ANKS1B: variants seen among roughly 807,000 people sequenced by gnomAD.
ANKS1B encodes the protein ankyrin repeat and sterile alpha motif domain-containing protein 1B.
Under a neutral mutation model 148.3 loss-of-function variants are expected in ANKS1B, and 36 were observed. The ratio of observed to expected loss-of-function variants is 0.24; its 90% CI spans 0.19 to 0.32. The LOEUF (loss-of-function observed/expected upper bound fraction) is 0.32. Ranked by LOEUF, ANKS1B falls within the 10% of genes least tolerant of loss-of-function variation. ANKS1B has a pLI of 1.00. For synonymous variants in ANKS1B, 542 were observed against 560.8 expected (o/e 0.97, Z 0.47); for missense variants, 1,157 against 1,542.6 (o/e 0.75, Z 4.19).
At chr12:99,254,409 T>C (rs956651795) in intron 12 of ANKS1B, among the ~76,000 whole-genome samples, 9 of 152,362 alleles carry the variant, frequency 5.9e-5, no homozygotes, top group Admixed American at 5.9e-4. Flanking sequence ...ACAGTAGAGT[T>C]GTTCAGAGGC....
At chr12:99,536,863 A>G (rs927223603) in intron 9 of ANKS1B, among the ~76,000 whole-genome samples, 2 of 152,208 alleles carry the variant, frequency 1.3e-5, no homozygotes, top group Admixed American at 1.3e-4. Flanking sequence ...ATTTTTTCTA[A>G]GTACTTTTGT....
At chr12:99,751,219 C>A (rs1051769164) in intron 8 of ANKS1B, among the ~76,000 whole-genome samples, 1 of 151,852 alleles carries the variant, frequency 6.6e-6, no homozygotes, top group Non-Finnish European at 1.5e-5. Context: ...TTAGATCTTT[C>A]TTTAAAAAGA....
chr12:99,845,844 T>C (rs1244233406), intron 1 of ANKS1B, among the ~76,000 whole-genome samples: 1 of 152,100 alleles, frequency 6.6e-6, no homozygotes, highest in Non-Finnish European at 1.5e-5. Flanking sequence ...TGTGAAACTG[T>C]GTGGTCCTGG....
chr12:98,897,591 A>G (rs1183345596), intron 17 of ANKS1B, among the ~76,000 whole-genome samples: 1 of 152,224 alleles, frequency 6.6e-6, no homozygotes, highest in Admixed American at 6.5e-5. Context: ...GTTGCCGAGA[A>G]AAGGGAATGC....
At chr12:99,560,303 C>T (rs2097319496) in intron 9 of ANKS1B, among the ~76,000 whole-genome samples, 1 of 151,948 alleles carries the variant, frequency 6.6e-6, no homozygotes, top group African/African-American at 2.4e-5. Context: ...GTCTGAATAC[C>T]ACACGTTACC....
chr12:99,848,916 A>C (rs1051296845), intron 1 of ANKS1B, among the ~76,000 whole-genome samples: 1 of 152,202 alleles, frequency 6.6e-6, no homozygotes, highest in Non-Finnish European at 1.5e-5. Flanking sequence ...GCTGGAAGCC[A>C]CTATCATAAG....
chr12:99,403,155 T>TC lies in ANKS1B; in HGVS notation c.1576-3345_1576-3344insG, dbSNP rs1238700732. Among the ~76,000 whole-genome samples, 4 of 66,468 alleles carry TC rather than the reference T, an allele frequency of 6.0e-5. 1 individual carries two copies. Among genetic ancestry groups the TC allele is most frequent in the Non-Finnish European group, 1.2e-4 (4 of 33,328 alleles). 43.6% of individuals were successfully genotyped at this position (66,468 alleles called of 152,430 possible). A position where few individuals can be genotyped will look rare whatever the true frequency, so the allele number is the denominator to read the frequency against. On this transcript the variant is annotated intron_variant, in intron 11 of 26. Transcript: ENST00000683438. Reference sequence around the variant, plus strand: ...CAGTGTCTGTTCACTTTTCTTTCTTTTTTTTTTTTTTTTTTTTTTTTTTGA... The same window carrying TC: ...CAGTGTCTGTTCACTTTTCTTTCTTTCTTTTTTTTTTTTTTTTTTTTTTTGA...
chr12:99,579,237 T>C (rs1440910575), intron 9 of ANKS1B, among the ~76,000 whole-genome samples: 1 of 152,062 alleles, frequency 6.6e-6, no homozygotes, highest in Non-Finnish European at 1.5e-5. Flanking sequence ...ACTTAAAATG[T>C]TTAAAACTTT....
chr12:99,507,679 G>A (rs939028442), intron 9 of ANKS1B, among the ~76,000 whole-genome samples: 1 of 151,880 alleles, frequency 6.6e-6, no homozygotes, highest in African/African-American at 2.4e-5. Flanking sequence ...CTTAGGGAAG[G>A]TGAGGCCCCC....
chr12:99,541,878 C>G (rs577610163), intron 9 of ANKS1B, among the ~76,000 whole-genome samples: 22 of 151,912 alleles, frequency 1.4e-4, no homozygotes, highest in Non-Finnish European at 2.7e-4. Context: ...TAACATGCTT[C>G]CATGATAAAA....
At chr12:99,285,387 C>G (rs1022376507) in intron 12 of ANKS1B, among the ~76,000 whole-genome samples, 2 of 152,054 alleles carry the variant, frequency 1.3e-5, no homozygotes, top group African/African-American at 4.8e-5. Flanking sequence ...GGTTTGCTGC[C>G]AGGTTTTGTC....
intron 1 of ANKS1B, among the ~76,000 whole-genome samples, chr12:99,834,010 C>T (rs1352860940): frequency 2.6e-5 from 4 of 152,142 alleles, no homozygotes; most frequent in Admixed American, 2.0e-4. Flanking sequence ...GGCACATATC[C>T]ACATATCCAT....
chr12:98,884,267 T>C (rs2099729495), intron 17 of ANKS1B, among the ~76,000 whole-genome samples: 1 of 152,244 alleles, frequency 6.6e-6, no homozygotes, highest in African/African-American at 2.4e-5. Context: ...CACTAATTCA[T>C]ATCAACCATT....
chr12:99,742,983 T>C (rs2060266808), intron 8 of ANKS1B, among the ~76,000 whole-genome samples: 1 of 152,230 alleles, frequency 6.6e-6, no homozygotes, highest in Non-Finnish European at 1.5e-5. Flanking sequence ...AATATCTTCC[T>C]TTCTCTAAAC....
intron 10 of ANKS1B, among the ~76,000 whole-genome samples, chr12:99,492,103 C>G (rs2096561056): frequency 6.6e-6 from 1 of 151,888 alleles, no homozygotes; most frequent in Non-Finnish European, 1.5e-5. Flanking sequence ...TTCAAAAGAG[C>G]AACAAATCCA....
intron 15 of ANKS1B, among the ~76,000 whole-genome samples, chr12:99,146,596 G>A (rs994875093): frequency 2.6e-5 from 4 of 152,024 alleles, no homozygotes; most frequent in East Asian, 3.9e-4. Context: ...TCTAGCTCTC[G>A]TCAGACTCCT....
At chr12:99,980,553 A>G (rs978435266) in intron 1 of ANKS1B, among the ~76,000 whole-genome samples, 1 of 152,030 alleles carries the variant, frequency 6.6e-6, no homozygotes, top group Non-Finnish European at 1.5e-5. Context: ...TACTCTGGTC[A>G]AGGGACATCT....
At chr12:99,280,900 TGCACGTACACACACACACGTGC>T (rs1230167009) in intron 12 of ANKS1B, among the ~76,000 whole-genome samples, 1 of 149,282 alleles carries the variant, frequency 6.7e-6, no homozygotes, top group Non-Finnish European at 1.5e-5. Context: ...CACACACACA[TGCACGTACACACACACACGTGC>T]GCACATACAC....
chr12:98,943,880 C>T (rs1351040212), intron 17 of ANKS1B, among the ~76,000 whole-genome samples: 4 of 152,144 alleles, frequency 2.6e-5, no homozygotes, highest in Non-Finnish European at 4.4e-5. Context: ...TAATCTCCAG[C>T]GTTGCAGGTA....
Sources: gnomAD v4.1 joint callset for allele counts (sites outside exome capture counted in the v4.1 genomes callset) on GRCh38, gnomAD v4.1.1 for gene constraint, MANE v1.5 for transcripts, NCBI Gene and HGNC (gene_info 2026-07-23, HGNC 2026-07-21) for gene names.